The following SGF29 variants were observed in gnomAD, a reference collection of about 807,000 sequenced individuals.
SGF29 encodes the protein SAGA-associated factor 29.
In SGF29, 15 loss-of-function variants were observed where a neutral mutation model predicts 38.1. That is an observed-to-expected ratio of 0.39 (90% CI 0.26 to 0.61). SGF29 has a LOEUF of 0.61. Among genes scored for constraint, SGF29 ranks in the 20% least tolerant of loss-of-function variants. SGF29 has a pLI of 0.49. For missense variants in SGF29, 184 were observed against 394.6 expected (o/e 0.47, Z 4.52); for synonymous variants, 151 against 160.8 (o/e 0.94, Z 0.46).
Position 28,590,593 on chromosome 16 carries a change from C to A in SGF29, c.567-38C>A. 2 of 1,612,978 alleles carry A rather than the reference C, an allele frequency of 1.2e-6. No individual in the cohort carries two copies. The highest frequency in any genetic ancestry group is 1.1e-5 in the South Asian group (1 of 91,028). On this transcript the variant is annotated intron_variant, in intron 7 of 9. Coordinates refer to ENST00000317058, the MANE Select transcript of SGF29 (RefSeq NM_138414.3). The surrounding 1 kb of genome is among the most constrained non-coding windows in gnomAD (Gnocchi z 8.2). The stretch of plus-strand genomic sequence containing the variant: ...CTCACTCCCCAACAGGTACTGCGCC[C>A]CTGGCTGCATCCAGCCTTTTCCTCC...
chr16:28,565,042 C>T (rs906057709), intron 1 of SGF29, among the ~76,000 whole-genome samples: 3 of 151,850 alleles, frequency 2.0e-5, no homozygotes, highest in Non-Finnish European at 4.4e-5. Context: ...GGCCAAAGAA[C>T]CTGGAGTCTG....
chr16:28,589,398 C>CTCATCTCCTGCCCCT (rs2046974036), intron 5 of SGF29: 2 of 519,628 alleles, frequency 3.8e-6, no homozygotes, highest in African/African-American at 1.9e-5. Context: ...GCCCTGGCCC[C>CTCATCTCCTGCCCCT]TCATCTCCTG....
At chr16:28,556,252 C>T (rs2046750339) in intron 1 of SGF29, among the ~76,000 whole-genome samples, 1 of 152,190 alleles carries the variant, frequency 6.6e-6, no homozygotes, top group South Asian at 2.1e-4. Context: ...TCACTGCAAC[C>T]TCTGCCTCCC....
chr16:28,570,084 TG>T (rs1056534359), intron 1 of SGF29, among the ~76,000 whole-genome samples: 8 of 152,102 alleles, frequency 5.3e-5, no homozygotes, highest in Non-Finnish European at 1.2e-4. Flanking sequence ...AGCAGAGCTA[TG>T]GGGGTAGGGT....
intron 1 of SGF29, among the ~76,000 whole-genome samples, chr16:28,556,066 G>T (rs1295834041): frequency 1.3e-5 from 2 of 152,124 alleles, no homozygotes; most frequent in African/African-American, 4.8e-5. Flanking sequence ...TTGCTGTAAG[G>T]TTTAAATGAG....
At position 28,581,058 on chromosome 16, in the gene SGF29, C is replaced by T; in HGVS notation, c.-12C>T. Reference sequence around the variant, plus strand: ...TCTGTCCTCGCTCCCCCACCAGGTGCCCCTGTAGACAATGGCCCTCGTGTC... The same window carrying T: ...TCTGTCCTCGCTCCCCCACCAGGTGTCCCTGTAGACAATGGCCCTCGTGTC... On this transcript the variant is annotated 5_prime_UTR_variant, in exon 2 of 10. Coordinates refer to ENST00000317058, the MANE Select transcript of SGF29 (RefSeq NM_138414.3). The T allele has an allele frequency of 6.2e-7, 1 of 1,612,942 alleles. No homozygotes were observed. Among genetic ancestry groups the T allele is most frequent in the Non-Finnish European group, 8.5e-7 (1 of 1,179,254 alleles).
At chr16:28,555,336 CGTG>C (rs1377000572) in intron 1 of SGF29, among the ~76,000 whole-genome samples, 3 of 151,890 alleles carry the variant, frequency 2.0e-5, no homozygotes, top group South Asian at 4.2e-4. Context: ...ATTAGCCGGG[CGTG>C]GTGGTGCACG....
intron 1 of SGF29, among the ~76,000 whole-genome samples, chr16:28,568,028 A>G (rs915252368): frequency 2.0e-5 from 3 of 151,918 alleles, no homozygotes; most frequent in African/African-American, 4.8e-5. Flanking sequence ...GTTTTTTGAC[A>G]GGGGCCAGGT....
intron 1 of SGF29, among the ~76,000 whole-genome samples, chr16:28,576,245 C>T (rs999016390): frequency 6.6e-6 from 1 of 151,984 alleles, no homozygotes; most frequent in African/African-American, 2.4e-5. Context: ...AAACAACAGA[C>T]ACTGGGCGGG....
In SGF29 at chr16:28,567,834, G is replaced by C. The variant is rs2046843425; in HGVS notation, c.-15-13221G>C. Among the ~76,000 whole-genome samples, 3 of 152,282 alleles carry C rather than the reference G, an allele frequency of 2.0e-5. No individual in the cohort carries two copies. In the South Asian group the frequency reaches 6.2e-4, roughly 32 times the overall value. ...AAGTGGCAAAGAACTTGGCTGATTT[G>C]GGTTTGTGCCTGTTGACCTAAAGGA... On this transcript the variant is annotated intron_variant, in intron 1 of 9. Coordinates refer to ENST00000317058, the MANE Select transcript of SGF29 (RefSeq NM_138414.3).
At position 28,582,324 on chromosome 16, in the gene SGF29, A is replaced by G. The variant is rs144093066; in HGVS notation, c.75+1180A>G. On this transcript the variant is annotated intron_variant, in intron 2 of 9. Transcript: ENST00000317058. ...GGGAGAGATAGGATGAAAGGGATGG[A>G]TAGGTGGAGCACAGAGGATTTTAGG... Among the ~76,000 whole-genome samples the G allele has an allele frequency of 1.3e-3, 200 of 152,292 alleles. 8 individuals carry two copies. Among genetic ancestry groups the G allele is most frequent in the Admixed American group, 9.2e-4 (14 of 15,284 alleles).
At position 28,590,874 on chromosome 16, in the gene SGF29, T is replaced by C; in HGVS notation, c.704T>C (p.Leu235Pro). The C allele has an allele frequency of 6.2e-7, 1 of 1,613,840 alleles. No homozygotes were observed. Among genetic ancestry groups the C allele is most frequent in the Non-Finnish European group, 8.5e-7 (1 of 1,179,888 alleles). ...TTGTTCCAGAAGGAGCAGCTCGTGCTGGCCCTGTATCCCCAGACTACCTGC... is the reference window on the plus strand; with the variant it reads ...TTGTTCCAGAAGGAGCAGCTCGTGCCGGCCCTGTATCCCCAGACTACCTGC... ...EALFQKEQLV[L>P]ALYPQTTCFY... Residue 235 changes from leucine (L) to proline (P), a missense_variant, in exon 9 of 10, where the codon CTG becomes CCG. Physicochemically the swap from Leu to Pro is moderately conservative, Grantham distance 98. Coordinates refer to ENST00000317058, the MANE Select transcript of SGF29 (RefSeq NM_138414.3). The surrounding 1 kb of genome is among the most constrained non-coding windows in gnomAD (Gnocchi z 8.2).
chr16:28,570,762 G>A (rs1389541312), intron 1 of SGF29, among the ~76,000 whole-genome samples: 1 of 151,764 alleles, frequency 6.6e-6, no homozygotes, highest in African/African-American at 2.4e-5. Flanking sequence ...ATTTTTAGTA[G>A]AGACAGGGTT....
intron 1 of SGF29, among the ~76,000 whole-genome samples, chr16:28,575,452 G>A (rs1015032114): frequency 3.3e-5 from 5 of 151,774 alleles, no homozygotes; most frequent in African/African-American, 4.8e-5. Flanking sequence ...AGGCCAAGGC[G>A]GGTGGATCAC....
intron 1 of SGF29, among the ~76,000 whole-genome samples, chr16:28,563,715 CTTTT>C: frequency 1.2e-5 from 1 of 80,824 alleles, no homozygotes; most frequent in Non-Finnish European, 2.4e-5. Flanking sequence ...GAGAAACAGA[CTTTT>C]TTTTTTTTTT....
chr16:28,586,188 C>T (rs2046955210), intron 4 of SGF29, among the ~76,000 whole-genome samples: 2 of 152,208 alleles, frequency 1.3e-5, no homozygotes, highest in East Asian at 1.9e-4. Context: ...GGAAGTCATA[C>T]TCAGATGACC....
chr16:28,577,075 G>A (rs1162218479), intron 1 of SGF29, among the ~76,000 whole-genome samples: 2 of 152,046 alleles, frequency 1.3e-5, no homozygotes, highest in South Asian at 2.1e-4. Flanking sequence ...TTGGGAGGCA[G>A]GAGAAACACT....
In SGF29 at chr16:28,588,995, G is replaced by A. The variant is rs1417635584; in HGVS notation, c.225-105G>A. On this transcript the variant is annotated intron_variant, in intron 4 of 9. Coordinates refer to ENST00000317058, the MANE Select transcript of SGF29 (RefSeq NM_138414.3). ...TACTGTGAGAACCTCTGGAGTCCGG[G>A]ACCAGCCTGGGCAATGTAGCTTGAC... 2.4e-6 allele frequency: 3 copies of A among 1,229,826 alleles called. No homozygotes were observed. The African/African-American group carries it at 4.5e-5, about 18-fold the overall frequency. The allele number at this position is 1,229,826 out of a possible 1,614,324, so 76.2% of individuals were successfully genotyped here. A position where few individuals can be genotyped will look rare whatever the true frequency, so the allele number is the denominator to read the frequency against.
chr16:28,569,132 A>G (rs559313904), intron 1 of SGF29, among the ~76,000 whole-genome samples: 1 of 152,106 alleles, frequency 6.6e-6, no homozygotes, highest in African/African-American at 2.4e-5. Context: ...ATAAAAATAA[A>G]AGCTTCTTTT....
Sources: gnomAD v4.1 joint callset for allele counts (sites outside exome capture counted in the v4.1 genomes callset) on GRCh38, gnomAD v4.1.1 for gene constraint, Gnocchi (gnomAD v3.1) non-coding constraint, MANE v1.5 for transcripts, NCBI Gene and HGNC (gene_info 2026-07-23, HGNC 2026-07-21) for gene names.